The following FXN variants were observed in gnomAD, a reference collection of about 807,000 sequenced individuals.
FXN encodes the protein frataxin.
FXN carries 14 observed loss-of-function variants against 22.4 expected under a neutral mutation model. The observed-to-expected ratio is 0.62, with a 90% CI of 0.41 to 0.98. The LOEUF (loss-of-function observed/expected upper bound fraction) is 0.98, where lower values mean the gene tolerates loss of function less well. Ranked by LOEUF, FXN falls within the 50% of genes least tolerant of loss-of-function variation. FXN has a pLI of 0.00. For synonymous variants in FXN, 120 were observed against 114.1 expected (o/e 1.05, Z -0.33); for missense variants, 267 against 268.4 (o/e 0.99, Z 0.04).
At chr9:69,066,199 G>A (rs1184851610) in intron 4 of FXN, among the ~76,000 whole-genome samples, 3 of 152,226 alleles carry the variant, frequency 2.0e-5, no homozygotes, top group Admixed American at 2.0e-4. Context: ...AAGAGAGCAT[G>A]TTGACTGTGA....
At chr9:69,037,300 A>G (rs1353409861) in intron 1 of FXN, among the ~76,000 whole-genome samples, 1 of 147,996 alleles carries the variant, frequency 6.8e-6, no homozygotes. Flanking sequence ...GAAGAAGAAG[A>G]AGAAAATAAA....
At chr9:69,036,015 G>C in intron 1 of FXN, 68 bp downstream of exon 1, 1 of 1,213,320 alleles carries the variant, frequency 8.2e-7, no homozygotes, top group Non-Finnish European at 1.0e-6. Context: ...GCCTGCGCAG[G>C]GAGGCGCCGC....
intron 2 of FXN, among the ~76,000 whole-genome samples, chr9:69,047,909 G>A (rs892919948): frequency 1.3e-5 from 2 of 152,036 alleles, no homozygotes; most frequent in African/African-American, 4.8e-5. Flanking sequence ...GTAAAGACGG[G>A]GTTTCACCAT....
intron 3 of FXN, among the ~76,000 whole-genome samples, chr9:69,060,139 CG>C (rs1019586611): frequency 1.3e-5 from 2 of 152,108 alleles, no homozygotes; most frequent in African/African-American, 4.8e-5. Flanking sequence ...GAGGCCAAGG[CG>C]GGCGGATCAC....
chr9:69,036,705 C>G (rs1831557067), intron 1 of FXN, among the ~76,000 whole-genome samples: 1 of 152,202 alleles, frequency 6.6e-6, no homozygotes. Context: ...ATAAAGTCTT[C>G]AGAACTTCAA....
chr9:69,046,816 C>G (rs1263252459), intron 2 of FXN, among the ~76,000 whole-genome samples: 1 of 152,202 alleles, frequency 6.6e-6, no homozygotes, highest in Non-Finnish European at 1.5e-5. Flanking sequence ...GTCCTCCTCT[C>G]TGGGCAGTAC....
rs1377786380 is a variant in FXN, at chr9:69,053,359, C to T, written c.384+99C>T. On this transcript the variant is annotated intron_variant, in intron 3 of 4. Transcript: ENST00000484259. Reference sequence around the variant, plus strand: ...TCCAGCAGAGCTAAGCATCAAGTAGCATGTAGTTGTAGGTAGGATTAAAAG... The same window carrying T: ...TCCAGCAGAGCTAAGCATCAAGTAGTATGTAGTTGTAGGTAGGATTAAAAG... The T allele has an allele frequency of 6.4e-6, 9 of 1,413,848 alleles. No individual in the cohort carries two copies. The East Asian group carries it at 2.1e-4, about 33-fold the overall frequency. 87.6% of individuals were successfully genotyped at this position (1,413,848 alleles called of 1,614,324 possible).
In FXN at chr9:69,077,001, G is replaced by A. The variant is rs11145061; in HGVS notation, c.*4239G>A. The A allele has an allele frequency of 1.7e-3, 1,259 of 731,316 alleles. 31 individuals are homozygous for A. The East Asian group carries it at 0.07, about 41-fold the overall frequency. 45.3% of individuals were successfully genotyped at this position (731,316 alleles called of 1,614,324 possible). A position where few individuals can be genotyped will look rare whatever the true frequency, so the allele number is the denominator to read the frequency against. ...ACGATCTGGGCTCACTACAACCTCC[G>A]CCTCCTGGGTTCAAGCAATTCTCTG... On this transcript the variant is annotated 3_prime_UTR_variant, in exon 5 of 5. Coordinates refer to ENST00000484259, the MANE Select transcript of FXN (RefSeq NM_000144.5).
In FXN at chr9:69,078,787, G is replaced by A; in HGVS notation, c.*6025G>A. On this transcript the variant is annotated 3_prime_UTR_variant, in exon 5 of 5. Transcript: ENST00000484259. ...AGATTCTACCCTGAAAAATGTTCTT[G>A]GCACAGCCTTGCAAACTCCTCCTCC... 1 of 985,554 alleles carries A rather than the reference G, an allele frequency of 1.0e-6. No individual in the cohort carries two copies. The highest frequency in any genetic ancestry group is 1.1e-4 in the East Asian group (1 of 8,804). The allele number at this position is 985,554 out of a possible 1,614,324, so 61.1% of individuals were successfully genotyped here.
At position 69,075,632 on chromosome 9, in the gene FXN, A is replaced by G. The variant is rs1832351917; in HGVS notation, c.*2870A>G. 4 of 985,200 alleles carry G rather than the reference A, an allele frequency of 4.1e-6. No individual in the cohort carries two copies. The highest frequency in any genetic ancestry group is 1.2e-4 in the Admixed American group (2 of 16,264). The allele number at this position is 985,200 out of a possible 1,614,324, so 61.0% of individuals were successfully genotyped here. On this transcript the variant is annotated 3_prime_UTR_variant, in exon 5 of 5. Transcript: ENST00000484259. ...CATTTATGGTGTGGTCCAGTCATCC[A>G]TGTGAAGGATGAGTTTCCAGGAAAA...
chr9:69,055,143 G>A (rs946849483), intron 3 of FXN, among the ~76,000 whole-genome samples: 7 of 152,320 alleles, frequency 4.6e-5, no homozygotes, highest in Admixed American at 2.0e-4. Flanking sequence ...AGTAGTGCCT[G>A]GGCAGGGCTT....
chr9:69,077,758 C>T lies in FXN; in HGVS notation c.*4996C>T, dbSNP rs976338303. ...CAGCCTGGTCAACATGGTAAAACCC[C>T]GCCTCTACTAAAAATACAAAAATTA... is the stretch of plus-strand genomic sequence containing the variant. On this transcript the variant is annotated 3_prime_UTR_variant, in exon 5 of 5. Coordinates refer to ENST00000484259, the MANE Select transcript of FXN (RefSeq NM_000144.5). 8 of 678,422 alleles carry T rather than the reference C, an allele frequency of 1.2e-5. No individual in the cohort carries two copies. The highest frequency in any genetic ancestry group is 7.4e-4 in the Middle Eastern group (1 of 1,346). 42.0% of individuals were successfully genotyped at this position (678,422 alleles called of 1,614,324 possible).
chr9:69,054,066 G>A (rs1253790423), intron 3 of FXN, among the ~76,000 whole-genome samples: 2 of 151,810 alleles, frequency 1.3e-5, no homozygotes, highest in African/African-American at 4.8e-5. Flanking sequence ...GTGCAGTGGC[G>A]CAATCTCGGC....
intron 2 of FXN, among the ~76,000 whole-genome samples, chr9:69,051,088 C>G (rs552585261): frequency 7.8e-4 from 118 of 152,062 alleles, no homozygotes; most frequent in African/African-American, 2.7e-3. Context: ...CCGGCCAACT[C>G]TTTTTTATTT....
rs1384289377 is a variant in FXN at position 69,074,983 on chromosome 9, G to A, written c.*2221G>A. 6 of 985,228 alleles carry A rather than the reference G, an allele frequency of 6.1e-6. No homozygotes were observed. The highest frequency in any genetic ancestry group is 7.2e-6 in the Non-Finnish European group (6 of 829,914). The allele number at this position is 985,228 out of a possible 1,614,324, so 61.0% of individuals were successfully genotyped here. The stretch of plus-strand genomic sequence containing the variant: ...TGACATGATGTACTCCTTTATCTGG[G>A]ACACAGCACAAAAGAGGTATGCAGT... On this transcript the variant is annotated 3_prime_UTR_variant, in exon 5 of 5. Transcript: ENST00000484259.
intron 3 of FXN, among the ~76,000 whole-genome samples, chr9:69,060,264 G>A (rs549196910): frequency 3.0e-4 from 46 of 152,134 alleles, no homozygotes; most frequent in South Asian, 6.2e-4. Flanking sequence ...CCAGCTACTC[G>A]GGAAGCTGAG....
chr9:69,039,257 A>G (rs1356417992), intron 1 of FXN, among the ~76,000 whole-genome samples: 2 of 148,342 alleles, frequency 1.3e-5, no homozygotes, highest in African/African-American at 2.5e-5. Context: ...CTCCGTCTCA[A>G]AAAAAAAAAA....
chr9:69,045,332 G>A (rs1364799004), intron 1 of FXN, among the ~76,000 whole-genome samples: 2 of 151,918 alleles, frequency 1.3e-5, no homozygotes, highest in African/African-American at 2.4e-5. Context: ...GGCTGGGTGC[G>A]GTGGCTCACA....
chr9:69,057,055 C>T (rs1257653838), intron 3 of FXN, among the ~76,000 whole-genome samples: 1 of 152,116 alleles, frequency 6.6e-6, no homozygotes, highest in Non-Finnish European at 1.5e-5. Context: ...CAGGCATGAG[C>T]CACCATGCAT....
Sources: allele counts gnomAD v4.1 joint callset (sites outside exome capture counted in the v4.1 genomes callset), GRCh38; gene constraint gnomAD v4.1.1; transcripts MANE v1.5; gene names NCBI Gene and HGNC (gene_info 2026-07-23, HGNC 2026-07-21).